The following NFILZ variants were observed in gnomAD, a reference collection of about 807,000 sequenced individuals.
The protein encoded by NFILZ is NFIL3 like protein.
At chr19:8,637,027 A>G (rs1231138394) in intron 3 of NFILZ, among the ~76,000 whole-genome samples, 1 of 152,074 alleles carries the variant, frequency 6.6e-6, no homozygotes, top group African/African-American at 2.4e-5. Context: ...GGGTGCCTGG[A>G]GGGGAGGCCA....
intron 3 of NFILZ, among the ~76,000 whole-genome samples, chr19:8,638,927 T>A (rs2042907252): frequency 6.8e-6 from 1 of 146,986 alleles, no homozygotes; most frequent in Non-Finnish European, 1.5e-5. Flanking sequence ...CACCGCAACC[T>A]CTGCCTCCCG....
intron 3 of NFILZ, among the ~76,000 whole-genome samples, chr19:8,672,440 T>G (rs1328248949): frequency 6.6e-6 from 1 of 151,798 alleles, no homozygotes; most frequent in African/African-American, 2.4e-5. Context: ...AATCCATGCA[T>G]TTGTTAGTTC....
chr19:8,652,957 T>C (rs1418327763), intron 3 of NFILZ, among the ~76,000 whole-genome samples: 1 of 136,956 alleles, frequency 7.3e-6, no homozygotes, highest in East Asian at 2.0e-4. Context: ...TCTCTTTCTT[T>C]CCCTTCCTTC....
chr19:8,647,527 G>A (rs1600142868), intron 3 of NFILZ, among the ~76,000 whole-genome samples: 1 of 151,256 alleles, frequency 6.6e-6, no homozygotes. Context: ...AGCCGAGATC[G>A]CACCACTGCA....
chr19:8,650,550 A>C (rs1439483192), intron 3 of NFILZ, among the ~76,000 whole-genome samples: 1 of 151,742 alleles, frequency 6.6e-6, no homozygotes, highest in African/African-American at 2.4e-5. Context: ...GCTACTGGGG[A>C]GTCTGAGGCA....
intron 4 of NFILZ, among the ~76,000 whole-genome samples, chr19:8,674,885 T>C (rs891061220): frequency 1.3e-5 from 2 of 152,148 alleles, no homozygotes; most frequent in African/African-American, 4.8e-5. Flanking sequence ...ATACTCCCAA[T>C]TTAGGAAAGT....
chr19:8,656,440 CT>C (rs2043000619), intron 3 of NFILZ, among the ~76,000 whole-genome samples: 1 of 77,926 alleles, frequency 1.3e-5, no homozygotes, highest in African/African-American at 4.7e-5. Flanking sequence ...AGCCCACCTT[CT>C]CCTCGAAGCC....
chr19:8,673,238 CT>C (rs2043096246), intron 3 of NFILZ, among the ~76,000 whole-genome samples: 1 of 152,070 alleles, frequency 6.6e-6, no homozygotes, highest in African/African-American at 2.4e-5. Flanking sequence ...TTTCCTGAGC[CT>C]CAGTTGCATG....
intron 3 of NFILZ, among the ~76,000 whole-genome samples, chr19:8,663,722 T>TTGTGTGTGTGTGTGCATG (rs2043044473): frequency 1.9e-4 from 2 of 10,800 alleles, no homozygotes; most frequent in African/African-American, 6.2e-4. Context: ...GTGTGTGTGT[T>TTGTGTGTGTGTGTGCATG]TGTGTGTGTG....
intron 3 of NFILZ, among the ~76,000 whole-genome samples, chr19:8,668,495 C>G (rs1555750022): frequency 6.6e-6 from 1 of 152,106 alleles, no homozygotes; most frequent in Non-Finnish European, 1.5e-5. Context: ...TCTGAGTCAC[C>G]TAACATATTC....
intron 3 of NFILZ, among the ~76,000 whole-genome samples, chr19:8,644,529 T>C (rs1274756702): frequency 3.3e-5 from 5 of 152,100 alleles, no homozygotes; most frequent in African/African-American, 1.2e-4. Context: ...GTGGAGACCA[T>C]GGCTCACTGC....
At chr19:8,633,877 CCCTTCCTTCCTTCCTTCCTTCCTT>C (rs782201553) in intron 2 of NFILZ, among the ~76,000 whole-genome samples, 166 of 84,520 alleles carry the variant, frequency 2.0e-3, no homozygotes, top group African/African-American at 5.0e-3. Context: ...TAACTTTTCT[CCCTTCCTTCCTTCCTTCCTTCCTT>C]CCTTCCTTCC....
intron 3 of NFILZ, among the ~76,000 whole-genome samples, chr19:8,659,719 G>A (rs537959275): frequency 2.3e-4 from 35 of 152,188 alleles, no homozygotes; most frequent in Non-Finnish European, 4.0e-4. Context: ...TGATGCCAAC[G>A]GGTATTTTGG....
chr19:8,661,187 T>G (rs188758574), intron 3 of NFILZ, among the ~76,000 whole-genome samples: 116 of 146,008 alleles, frequency 7.9e-4, no homozygotes, highest in Non-Finnish European at 1.3e-3. Context: ...CTTTCCTCCT[T>G]TCTTTTTCTC....
chr19:8,633,867 T>A (rs1555745793), intron 2 of NFILZ, among the ~76,000 whole-genome samples: 1 of 147,826 alleles, frequency 6.8e-6, no homozygotes, highest in African/African-American at 2.5e-5. Flanking sequence ...ATCATTAGTA[T>A]AACTTTTCTC....
chr19:8,675,091 C>G (rs2043104914), intron 4 of NFILZ, among the ~76,000 whole-genome samples: 1 of 152,154 alleles, frequency 6.6e-6, no homozygotes, highest in Non-Finnish European at 1.5e-5. Flanking sequence ...TTACCACCTG[C>G]TATTTACAAG....
rs35290862 is a variant in NFILZ at position 8,666,045 on chromosome 19, CT to C, written c.-163-8495del. 3.8e-3 allele frequency among the ~76,000 whole-genome samples: 550 copies of C among 146,320 alleles called. 3 individuals carry two copies. Among genetic ancestry groups the C allele is most frequent in the Middle Eastern group, 7.2e-3 (2 of 278 alleles). Reference sequence around the variant, plus strand: ...TTTGATTCATCTTTCTTTTTCTCACCTTTTTTTTTTTGTCCTTTTAAACTTC... The same window carrying C: ...TTTGATTCATCTTTCTTTTTCTCACCTTTTTTTTTTGTCCTTTTAAACTTC... On this transcript the variant is annotated intron_variant, in intron 3 of 5. Transcript: ENST00000691075.
At chr19:8,663,787 T>TGTGTGTGTGTGTGTATGTGTGTG (rs2043048906) in intron 3 of NFILZ, among the ~76,000 whole-genome samples, 1 of 148,740 alleles carries the variant, frequency 6.7e-6, no homozygotes, top group Non-Finnish European at 1.5e-5. Flanking sequence ...TGTGTGTTTG[T>TGTGTGTGTGTGTGTATGTGTGTG]TGTGGGGGGG....
intron 3 of NFILZ, among the ~76,000 whole-genome samples, chr19:8,648,349 T>C (rs2042951430): frequency 6.6e-6 from 1 of 151,814 alleles, no homozygotes; most frequent in African/African-American, 2.4e-5. Context: ...AAGGGAAGAA[T>C]GGGAAGCTAG....
Sources: gnomAD v4.1 joint callset for allele counts (sites outside exome capture counted in the v4.1 genomes callset) on GRCh38, gnomAD v4.1.1 for gene constraint, MANE v1.5 for transcripts, NCBI Gene and HGNC (gene_info 2026-07-23, HGNC 2026-07-21) for gene names.